CLCN3: variants seen among roughly 807,000 people sequenced by gnomAD.
CLCN3 encodes Cl-/H+ antiporter 3, also known as H(+)/Cl(-) exchange transporter 3.
In CLCN3, 16 loss-of-function variants were observed where a neutral mutation model predicts 83.4. The observed-to-expected ratio is 0.19, with a 90% CI of 0.13 to 0.29. The LOEUF is 0.29. Among genes scored for constraint, CLCN3 ranks in the 10% least tolerant of loss-of-function variants. The probability of loss-of-function intolerance (pLI) is 1.00; values close to 1 mark genes in which losing one functional copy is unlikely to be tolerated. For synonymous variants in CLCN3, 322 were observed against 346.2 expected, an observed-to-expected ratio of 0.93 and a Z score of 0.78; for missense variants, 544 against 1,006.0, an observed-to-expected ratio of 0.54 and a Z score of 6.21.
chr4:169,679,000 GC>G (rs1158079206), intron 2 of CLCN3, among the ~76,000 whole-genome samples: 3 of 151,790 alleles, frequency 2.0e-5, no homozygotes, highest in South Asian at 4.2e-4. Flanking sequence ...GGGCGGAGGC[GC>G]CCCCCACCTC....
chr4:169,655,027 G>A (rs913954776), intron 2 of CLCN3, among the ~76,000 whole-genome samples: 2 of 151,846 alleles, frequency 1.3e-5, no homozygotes, highest in Non-Finnish European at 2.9e-5. Flanking sequence ...ATGTTATTAG[G>A]TTATATCTTC....
At chr4:169,716,437 A>G (rs557622471) in intron 12 of CLCN3, among the ~76,000 whole-genome samples, 43 of 152,168 alleles carry the variant, frequency 2.8e-4, no homozygotes, top group Non-Finnish European at 3.2e-4. Context: ...TAAGAATTCA[A>G]TTGGTATTAT....
At chr4:169,666,994 G>T (rs13124022) in intron 2 of CLCN3, among the ~76,000 whole-genome samples, 26,258 of 152,048 alleles carry the variant, frequency 0.17, 2,910 homozygotes, top group South Asian at 0.3. Context: ...CCTCTACATG[G>T]GAAAGATTAT....
chr4:169,666,809 A>C (rs1408385278), intron 2 of CLCN3, among the ~76,000 whole-genome samples: 1 of 152,128 alleles, frequency 6.6e-6, no homozygotes, highest in Non-Finnish European at 1.5e-5. Context: ...AACTCTTGAC[A>C]CCTTGTTTTC....
chr4:169,700,734 A>C (rs1321691746), intron 9 of CLCN3, among the ~76,000 whole-genome samples: 1 of 152,238 alleles, frequency 6.6e-6, no homozygotes, highest in Non-Finnish European at 1.5e-5. Context: ...ATATCATAAT[A>C]AAGCAAGTCA....
intron 4 of CLCN3, 43 bp downstream of exon 4, chr4:169,687,800 G>A (rs372313488): frequency 2.6e-5 from 28 of 1,084,948 alleles, no homozygotes; most frequent in Non-Finnish European, 3.6e-5. Context: ...GTTAACAGAA[G>A]TATAAACTGT....
intron 2 of CLCN3, among the ~76,000 whole-genome samples, chr4:169,648,684 CA>C (rs1191938777): frequency 6.6e-6 from 1 of 152,104 alleles, no homozygotes; most frequent in Non-Finnish European, 1.5e-5. Context: ...TACTATTAAA[CA>C]ATCTCACAAA....
At chr4:169,716,063 A>G (rs1332730054) in intron 12 of CLCN3, among the ~76,000 whole-genome samples, 11 of 152,172 alleles carry the variant, frequency 7.2e-5, no homozygotes, top group Non-Finnish European at 1.3e-4. Flanking sequence ...TGCTTTGGAA[A>G]TGCTGGGTTA....
intron 2 of CLCN3, among the ~76,000 whole-genome samples, chr4:169,658,929 G>A (rs1259344490): frequency 6.6e-6 from 1 of 151,840 alleles, no homozygotes. Context: ...TTTTTAAAAA[G>A]ACCCTAAATA....
At chr4:169,668,253 G>A (rs1410431654) in intron 2 of CLCN3, among the ~76,000 whole-genome samples, 1 of 151,848 alleles carries the variant, frequency 6.6e-6, no homozygotes, top group African/African-American at 2.4e-5. Context: ...GGGCTCAGAT[G>A]ATATAGCCTC....
chr4:169,710,392 A>G (rs924216657), intron 11 of CLCN3, among the ~76,000 whole-genome samples: 3 of 152,082 alleles, frequency 2.0e-5, no homozygotes, highest in African/African-American at 7.2e-5. Context: ...CACTCTCCTA[A>G]TTAGCTAGGA....
intron 10 of CLCN3, among the ~76,000 whole-genome samples, chr4:169,706,588 C>T (rs1024769224): frequency 9.9e-5 from 15 of 152,190 alleles, no homozygotes; most frequent in South Asian, 6.2e-4. Context: ...TTGTTTTAGT[C>T]GGTAAGCTTT....
At chr4:169,623,294 T>C (rs190311829) in intron 1 of CLCN3, among the ~76,000 whole-genome samples, 1 of 152,322 alleles carries the variant, frequency 6.6e-6, no homozygotes, top group East Asian at 1.9e-4. Flanking sequence ...TTTGTATGTG[T>C]GTTTATTCCG....
At chr4:169,684,493 G>C (rs1732076335) in intron 3 of CLCN3, among the ~76,000 whole-genome samples, 1 of 152,070 alleles carries the variant, frequency 6.6e-6, no homozygotes, top group Admixed American at 6.5e-5. Flanking sequence ...TAGATTAGTG[G>C]GAGCTTTTTT....
chr4:169,707,412 A>C, intron 11 of CLCN3, 146 bp downstream of exon 11: 1 of 540,654 alleles, frequency 1.8e-6, no homozygotes, highest in Non-Finnish European at 3.1e-6. Context: ...TCTTTAGGAA[A>C]GGAAGGTATG....
intron 2 of CLCN3, among the ~76,000 whole-genome samples, chr4:169,639,125 G>T (rs1046558325): frequency 6.6e-6 from 1 of 152,252 alleles, no homozygotes; most frequent in African/African-American, 2.4e-5. Flanking sequence ...TACCTCCTGG[G>T]CTCAAGAGAT....
chr4:169,643,481 C>T (rs553994420), intron 2 of CLCN3, among the ~76,000 whole-genome samples: 6 of 152,266 alleles, frequency 3.9e-5, no homozygotes, highest in South Asian at 2.1e-4. Flanking sequence ...CCACCCGCCT[C>T]GGCCTCCCAA....
chr4:169,678,829 C>A (rs898539079), intron 2 of CLCN3, among the ~76,000 whole-genome samples: 1 of 152,356 alleles, frequency 6.6e-6, no homozygotes, highest in East Asian at 1.9e-4. Flanking sequence ...TCTACACAGA[C>A]ACAGTAACAA....
chr4:169,697,263 G>A lies in CLCN3; in HGVS notation c.1092G>A (p.Arg364=), dbSNP rs779703022. 171 of 1,613,072 alleles carry A rather than the reference G, an allele frequency of 1.1e-4. No individual in the cohort carries two copies. Among genetic ancestry groups the A allele is most frequent in the Non-Finnish European group, 1.4e-4 (169 of 1,179,804 alleles). ...CTTTAGTGGCTGCATTTGTTTTGAG[G>A]TCCATCAATCCATTTGGTAACAGCC... ...FAALVAAFVL[R]SINPFGNSRL... Residue 364 remains arginine (R), a synonymous_variant, in exon 9 of 13, where the codon AGG becomes AGA. Coordinates refer to ENST00000513761, the MANE Select transcript of CLCN3 (RefSeq NM_001829.4).
Sources: gnomAD v4.1 joint callset for allele counts (sites outside exome capture counted in the v4.1 genomes callset) on GRCh38, gnomAD v4.1.1 for gene constraint, MANE v1.5 for transcripts, NCBI Gene and HGNC (gene_info 2026-07-23, HGNC 2026-07-21) for gene names.